Variants in FBXO34 observed in about 807,000 individuals in gnomAD.
The protein encoded by FBXO34 is F-box protein 34, also known as F-box only protein 34.
In FBXO34, 12 loss-of-function variants were observed where a neutral mutation model predicts 24.5. The observed-to-expected ratio is 0.49, with a 90% CI of 0.31 to 0.79. FBXO34 has a LOEUF of 0.79. Among genes scored for constraint, FBXO34 ranks in the 30% least tolerant of loss-of-function variants. The probability of loss-of-function intolerance (pLI) is 0.04; values close to 1 mark genes in which losing one functional copy is unlikely to be tolerated. For missense variants in FBXO34, 823 were observed against 857.7 expected (o/e 0.96, Z 0.51); for synonymous variants, 320 against 311.9 (o/e 1.03, Z -0.27).
At chr14:55,427,743 A>G in the FBXO34 span, among the ~76,000 whole-genome samples, 1 of 152,032 alleles carries the variant, frequency 6.6e-6, no homozygotes, top group Non-Finnish European at 1.5e-5. Flanking sequence ...AGCTGTTGAG[A>G]CGGGAAGTCT....
chr14:55,383,315 C>G, the FBXO34 span, among the ~76,000 whole-genome samples: 2 of 152,018 alleles, frequency 1.3e-5, no homozygotes, highest in African/African-American at 2.4e-5. Flanking sequence ...CTTTGGAAGG[C>G]TGAGGCAGGC....
chr14:55,352,203 T>G lies in FBXO34; in HGVS notation c.1813T>G (p.Phe605Val). The part of the protein sequence containing the change: ...LVALKCTCCY[F>V]KFIIEYYNIR... ...GGCCCTTAAATGTACCTGCTGCTAT[T>G]TCAAGTTTATCATTGAGTACTACAA... is the stretch of plus-strand genomic sequence containing the variant. Residue 605 changes from phenylalanine to valine, a missense_variant, in exon 2 of 2, where the codon TTC (phenylalanine) becomes GTC (valine). By Grantham distance (50) the Phe-to-Val change is conservative. This residue lies in a region of FBXO34 where 130 missense variants were observed against 198.6 expected (regional missense o/e 0.65). Transcript: ENST00000313833. 1 of 1,614,152 alleles carries G rather than the reference T, an allele frequency of 6.2e-7. No individual in the cohort carries two copies. The highest frequency in any genetic ancestry group is 8.5e-7 in the Non-Finnish European group (1 of 1,180,006).
chr14:55,364,727 CTTTT>C (rs534426436), downstream of FBXO34, among the ~76,000 whole-genome samples: 1 of 130,046 alleles, frequency 7.7e-6, no homozygotes, highest in Non-Finnish European at 1.6e-5. Flanking sequence ...CAGTGCCCAA[CTTTT>C]TTTTTTTTTT....
the FBXO34 span, among the ~76,000 whole-genome samples, chr14:55,426,375 A>C: frequency 6.6e-6 from 1 of 152,214 alleles, no homozygotes; most frequent in African/African-American, 2.4e-5. Context: ...TGGTAACAAA[A>C]GGAGATACTT....
At chr14:55,427,121 T>G in the FBXO34 span, among the ~76,000 whole-genome samples, 1 of 152,138 alleles carries the variant, frequency 6.6e-6, no homozygotes, top group African/African-American at 2.4e-5. Flanking sequence ...ACTGGGAGAC[T>G]CTTAGAAACA....
chr14:55,410,337 A>G, the FBXO34 span, among the ~76,000 whole-genome samples: 12 of 152,188 alleles, frequency 7.9e-5, no homozygotes, highest in Non-Finnish European at 1.5e-4. Flanking sequence ...GACATAGTAA[A>G]ACGTGTAGAC....
chr14:55,345,530 C>A (rs1356363451), intron 1 of FBXO34, among the ~76,000 whole-genome samples: 1 of 152,190 alleles, frequency 6.6e-6, no homozygotes, highest in Non-Finnish European at 1.5e-5. Flanking sequence ...CCCTCTTCAT[C>A]CATACCTCTT....
At chr14:55,310,645 C>G (rs985630250) in intron 1 of FBXO34, among the ~76,000 whole-genome samples, 4 of 152,174 alleles carry the variant, frequency 2.6e-5, no homozygotes, top group South Asian at 2.1e-4. Flanking sequence ...ACATAATAAG[C>G]TGTAAAACCT....
chr14:55,287,007 C>G (rs907356861), intron 1 of FBXO34, among the ~76,000 whole-genome samples: 2 of 150,258 alleles, frequency 1.3e-5, no homozygotes, highest in African/African-American at 4.9e-5. Flanking sequence ...CTCCCAGGTT[C>G]AAGCGATTCT....
intron 1 of FBXO34, among the ~76,000 whole-genome samples, chr14:55,288,039 G>A (rs1050603636): frequency 2.0e-5 from 3 of 152,112 alleles, no homozygotes; most frequent in Non-Finnish European, 4.4e-5. Flanking sequence ...GGACCATTTC[G>A]GATTTCGGAT....
chr14:55,400,543 G>A, the FBXO34 span, among the ~76,000 whole-genome samples: 12 of 152,246 alleles, frequency 7.9e-5, no homozygotes, highest in Admixed American at 2.6e-4. Context: ...GATCAGTAAC[G>A]ATACAAGTGA....
chr14:55,298,984 A>G, intron 1 of FBXO34: 2 of 1,607,446 alleles, frequency 1.2e-6, no homozygotes, highest in Non-Finnish European at 1.7e-6. Context: ...ATGGACATCG[A>G]TAAAGTTGAT....
At chr14:55,297,520 A>C (rs2139696485) in intron 1 of FBXO34, among the ~76,000 whole-genome samples, 2 of 152,326 alleles carry the variant, frequency 1.3e-5, no homozygotes, top group East Asian at 3.9e-4. Context: ...TAGTAAGTGC[A>C]CAGAGCATGT....
the FBXO34 span, among the ~76,000 whole-genome samples, chr14:55,398,915 T>C: frequency 6.6e-6 from 1 of 152,230 alleles, no homozygotes; most frequent in African/African-American, 2.4e-5. Context: ...CGTGACCCAC[T>C]GACCATTTTC....
At chr14:55,285,554 T>A (rs1000492522) in intron 1 of FBXO34, 13 of 151,368 alleles carry the variant, frequency 8.6e-5, no homozygotes, top group African/African-American at 3.2e-4. Context: ...TGAGACTCTG[T>A]CTCTTTAAAA....
the FBXO34 span, chr14:55,396,012 C>G: frequency 6.5e-7 from 1 of 1,531,790 alleles, no homozygotes; most frequent in Admixed American, 2.1e-5. Context: ...AAAATAAGCT[C>G]TTAAAAATAA....
chr14:55,393,177 T>G, the FBXO34 span, among the ~76,000 whole-genome samples: 7 of 152,064 alleles, frequency 4.6e-5, no homozygotes, highest in Admixed American at 3.3e-4. Flanking sequence ...GTCAGGAGAT[T>G]GAGACCATCC....
chr14:55,430,526 C>T, the FBXO34 span, among the ~76,000 whole-genome samples: 1 of 152,084 alleles, frequency 6.6e-6, no homozygotes, highest in Non-Finnish European at 1.5e-5. Context: ...CCTGCCTCAG[C>T]CTCCTAAGTA....
downstream of FBXO34, among the ~76,000 whole-genome samples, chr14:55,370,436 G>A (rs1212613966): frequency 6.6e-6 from 1 of 152,194 alleles, no homozygotes; most frequent in East Asian, 1.9e-4. Flanking sequence ...TTCTAGCACA[G>A]AATGAGGCAC....
Sources: gnomAD v4.1 joint callset for allele counts (sites outside exome capture counted in the v4.1 genomes callset) on GRCh38, gnomAD v4.1.1 for gene constraint, gnomAD v4.1.1 regional missense constraint, MANE v1.5 for transcripts, NCBI Gene and HGNC (gene_info 2026-07-23, HGNC 2026-07-21) for gene names.